Variants in SYNPR observed in about 807,000 individuals in gnomAD.
SYNPR encodes synaptoporin.
SYNPR carries 23 observed loss-of-function variants against 32.9 expected under a neutral mutation model. The ratio of observed to expected loss-of-function variants is 0.70; its 90% CI spans 0.50 to 0.99. The LOEUF (loss-of-function observed/expected upper bound fraction) is 0.99, where lower values mean the gene tolerates loss of function less well. Ranked by LOEUF, SYNPR falls within the 50% of genes least tolerant of loss-of-function variation. The probability of loss-of-function intolerance (pLI) is 0.00; values close to 1 mark genes in which losing one functional copy is unlikely to be tolerated. For synonymous variants in SYNPR, 146 were observed against 135.9 expected (o/e 1.07, Z -0.52); for missense variants, 318 against 349.3 (o/e 0.91, Z 0.71).
chr3:63,427,423 A>T (rs1169461583), intron 2 of SYNPR: 8 of 152,224 alleles, frequency 5.3e-5, no homozygotes, highest in East Asian at 1.9e-4. Flanking sequence ...AGGATGAGAG[A>T]GAGACTGACC....
chr3:63,368,092 G>A (rs1212975600), intron 2 of SYNPR, among the ~76,000 whole-genome samples: 1 of 152,158 alleles, frequency 6.6e-6, no homozygotes, highest in African/African-American at 2.4e-5. Flanking sequence ...GTAGAGATGA[G>A]CCTGCATGAT....
At chr3:63,528,981 G>A (rs1702064969) in intron 3 of SYNPR, among the ~76,000 whole-genome samples, 1 of 152,214 alleles carries the variant, frequency 6.6e-6, no homozygotes, top group South Asian at 2.1e-4. Context: ...AGGTAAAGCT[G>A]GATTAAAGAA....
intron 1 of SYNPR, among the ~76,000 whole-genome samples, chr3:63,246,957 G>A (rs2086297031): frequency 6.6e-6 from 1 of 151,956 alleles, no homozygotes; most frequent in African/African-American, 2.4e-5. Context: ...AAAAAGTTTA[G>A]CATATGGGCT....
intron 4 of SYNPR, among the ~76,000 whole-genome samples, chr3:63,583,996 A>G (rs892659068): frequency 6.6e-6 from 1 of 152,228 alleles, no homozygotes; most frequent in East Asian, 1.9e-4. Flanking sequence ...GGAGGAGTAG[A>G]TGGGGGTGAT....
chr3:63,586,593 AT>A (rs955341130), intron 4 of SYNPR, among the ~76,000 whole-genome samples: 87 of 150,802 alleles, frequency 5.8e-4, no homozygotes, highest in African/African-American at 2.0e-3. Context: ...AGGCCTAATG[AT>A]TTTTCCTTTA....
intron 4 of SYNPR, among the ~76,000 whole-genome samples, chr3:63,558,028 A>G (rs902128183): frequency 6.6e-6 from 1 of 152,230 alleles, no homozygotes; most frequent in Non-Finnish European, 1.5e-5. Flanking sequence ...ATTAGTTCTC[A>G]TAAGACTGTA....
chr3:63,595,751 A>AAAATTT (rs1404878483), intron 4 of SYNPR, among the ~76,000 whole-genome samples: 1 of 43,388 alleles, frequency 2.3e-5, no homozygotes, highest in Non-Finnish European at 3.6e-5. Context: ...ATATATATAT[A>AAAATTT]TATATATATA....
At chr3:63,604,931 T>C (rs1559549142) in intron 4 of SYNPR, among the ~76,000 whole-genome samples, 1 of 152,348 alleles carries the variant, frequency 6.6e-6, no homozygotes, top group East Asian at 1.9e-4. Flanking sequence ...AATTCTACCA[T>C]TGCCACTTGA....
intron 3 of SYNPR, among the ~76,000 whole-genome samples, chr3:63,488,572 C>T (rs1400909985): frequency 6.6e-6 from 1 of 152,132 alleles, no homozygotes; most frequent in Non-Finnish European, 1.5e-5. Context: ...TATAAAAAGG[C>T]AGTAATACCA....
intron 2 of SYNPR, among the ~76,000 whole-genome samples, chr3:63,428,563 G>T (rs1177576748): frequency 1.3e-5 from 2 of 152,200 alleles, no homozygotes; most frequent in African/African-American, 4.8e-5. Flanking sequence ...GTTTATTATT[G>T]CTCATTTGTC....
chr3:63,548,493 C>T (rs1371075257), intron 3 of SYNPR, among the ~76,000 whole-genome samples: 1 of 152,008 alleles, frequency 6.6e-6, no homozygotes, highest in African/African-American at 2.4e-5. Context: ...TGTATGTGTG[C>T]ATCTGTAAAT....
intron 1 of SYNPR, among the ~76,000 whole-genome samples, chr3:63,241,285 A>C (rs1267228933): frequency 1.3e-5 from 2 of 152,120 alleles, no homozygotes; most frequent in Non-Finnish European, 2.9e-5. Context: ...TGAAAGGTGA[A>C]AATGGCAAAT....
chr3:63,479,178 G>C (rs1293946886), intron 2 of SYNPR, among the ~76,000 whole-genome samples: 1 of 152,106 alleles, frequency 6.6e-6, no homozygotes. Flanking sequence ...TGGCTCACTG[G>C]GGCAGACAGC....
At chr3:63,356,051 T>C (rs757266604) in intron 2 of SYNPR, among the ~76,000 whole-genome samples, 1 of 152,220 alleles carries the variant, frequency 6.6e-6, no homozygotes, top group Non-Finnish European at 1.5e-5. Flanking sequence ...TGGCCTTAGC[T>C]CAAGCTCATC....
intron 3 of SYNPR, among the ~76,000 whole-genome samples, chr3:63,271,304 C>A (rs2086534301): frequency 6.6e-6 from 1 of 152,082 alleles, no homozygotes; most frequent in African/African-American, 2.4e-5. Context: ...GAGATTATAA[C>A]CATGAGTGCC....
intron 4 of SYNPR, among the ~76,000 whole-genome samples, chr3:63,587,371 T>C (rs1236699711): frequency 3.9e-5 from 6 of 152,154 alleles, no homozygotes; most frequent in South Asian, 2.1e-4. Flanking sequence ...ACCAGAGAAC[T>C]TTAAAATCCA....
intron 2 of SYNPR, among the ~76,000 whole-genome samples, chr3:63,344,594 T>C (rs1357047226): frequency 6.9e-6 from 1 of 145,510 alleles, no homozygotes; most frequent in African/African-American, 2.6e-5. Flanking sequence ...GAGTAGTTAG[T>C]GTGTAAGGGA....
chr3:63,201,188 T>C, the SYNPR span, among the ~76,000 whole-genome samples: 1 of 152,178 alleles, frequency 6.6e-6, no homozygotes, highest in East Asian at 1.9e-4. Flanking sequence ...TCACTTTTTC[T>C]TCAGTTGATT....
chr3:63,426,790 G>A (rs907391533), intron 2 of SYNPR: 1 of 151,470 alleles, frequency 6.6e-6, no homozygotes, highest in Admixed American at 6.6e-5. Context: ...AAGCTGTTGT[G>A]CCTATCAATA....
Sources: allele counts gnomAD v4.1 joint callset (sites outside exome capture counted in the v4.1 genomes callset), GRCh38; gene constraint gnomAD v4.1.1; transcripts MANE v1.5; gene names NCBI Gene and HGNC (gene_info 2026-07-23, HGNC 2026-07-21).